The following CACNA1C variants were observed in gnomAD, a reference collection of about 807,000 sequenced individuals.
CACNA1C encodes the protein calcium voltage-gated channel subunit alpha1 C.
In CACNA1C, 30 loss-of-function variants were observed where a neutral mutation model predicts 229.0. The ratio of observed to expected loss-of-function variants is 0.13; its 90% CI spans 0.10 to 0.18. CACNA1C has a LOEUF of 0.18. CACNA1C is among the 10% of genes least tolerant of loss of function. The pLI, the probability that CACNA1C is intolerant of heterozygous loss-of-function variation, is 1.00. For missense variants in CACNA1C, 1,658 were observed against 2,845.0 expected, an observed-to-expected ratio of 0.58 and a Z score of 9.49; for synonymous variants, 1,114 against 1,132.5, an observed-to-expected ratio of 0.98 and a Z score of 0.33.
In CACNA1C at chr12:2,679,111, C is replaced by T. The variant is rs1381364336; in HGVS notation, c.5092-333C>T. Among the ~76,000 whole-genome samples, 2 of 152,212 alleles carry T rather than the reference C, an allele frequency of 1.3e-5. No homozygotes were observed. The highest frequency in any genetic ancestry group is 2.9e-5 in the Non-Finnish European group (2 of 68,022). On this transcript the variant is annotated intron_variant, in intron 41 of 46. Coordinates refer to ENST00000399655, the MANE Select transcript of CACNA1C (RefSeq NM_000719.7). This position sits in a 1 kb window ranked among gnomAD's most constrained non-coding sequence, Gnocchi z 5.5. ...CCTAGACGTGCCCTGGAAACTCACT[C>T]CCAGCCTTCAGGGGCTTCACTGGAA... is the stretch of plus-strand genomic sequence containing the variant.
chr12:2,098,787 C>G (rs2154096520), intron 1 of CACNA1C, among the ~76,000 whole-genome samples: 1 of 152,334 alleles, frequency 6.6e-6, no homozygotes, highest in South Asian at 2.1e-4. Context: ...TGCCCCGAGG[C>G]TTTATCTCTG....
intron 3 of CACNA1C, among the ~76,000 whole-genome samples, chr12:2,418,437 G>T (rs2098938770): frequency 6.6e-6 from 1 of 152,210 alleles, no homozygotes; most frequent in Non-Finnish European, 1.5e-5. Context: ...TGGCAGAGTT[G>T]CGGGCCTGAC....
At chr12:2,107,654 C>A (rs1479330233) in intron 1 of CACNA1C, among the ~76,000 whole-genome samples, 1 of 152,276 alleles carries the variant, frequency 6.6e-6, no homozygotes. Context: ...ATATTAGACA[C>A]TGAAAAAGGA....
rs138736052 is a variant in CACNA1C, at chr12:2,419,694, AG to A, written c.478-29278del. On this transcript the variant is annotated intron_variant, in intron 3 of 46. Coordinates refer to ENST00000399655, the MANE Select transcript of CACNA1C (RefSeq NM_000719.7). ...GGTTCAAAGAATAGTCCCTCTAGAC[AG>A]GGGCACAAACCCTTCCTTCACACAC... Among the ~76,000 whole-genome samples the A allele has an allele frequency of 5.0e-3, 759 of 152,320 alleles. 6 individuals carry two copies. The highest frequency in any genetic ancestry group is 0.018 in the African/African-American group (731 of 41,564).
chr12:2,375,195 G>T (rs991696258), intron 3 of CACNA1C, among the ~76,000 whole-genome samples: 1 of 152,208 alleles, frequency 6.6e-6, no homozygotes, highest in Non-Finnish European at 1.5e-5. Context: ...ATGTGCATGT[G>T]CTGAGCGGCT....
chr12:2,122,646 C>T (rs181936739), intron 3 of CACNA1C, among the ~76,000 whole-genome samples: 33 of 152,316 alleles, frequency 2.2e-4, no homozygotes, highest in East Asian at 9.7e-4. Context: ...TGTGTCTACA[C>T]GAACGTTTAC....
intron 3 of CACNA1C, among the ~76,000 whole-genome samples, chr12:2,247,028 C>T (rs1341565711): frequency 6.6e-6 from 1 of 152,218 alleles, no homozygotes; most frequent in Non-Finnish European, 1.5e-5. Context: ...AAAACTTAAG[C>T]TAAGACTATA....
chr12:2,007,044 C>T (rs2043593011), intron 1 of CACNA1C, among the ~76,000 whole-genome samples: 1 of 152,192 alleles, frequency 6.6e-6, no homozygotes, highest in Non-Finnish European at 1.5e-5. Context: ...CCTCTTTGCT[C>T]TTAATCACAT....
At chr12:2,146,281 C>T (rs573071936) in intron 3 of CACNA1C, among the ~76,000 whole-genome samples, 5 of 151,136 alleles carry the variant, frequency 3.3e-5, no homozygotes, top group Admixed American at 1.3e-4. Context: ...AGAATCTCTC[C>T]GCGCCTTTCT....
chr12:2,054,758 A>G lies in CACNA1C; in HGVS notation c.49+1147A>G, dbSNP rs186889657. On this transcript the variant is annotated intron_variant, in intron 1 of 46. Transcript: ENST00000399655. This position sits in a 1 kb window ranked among gnomAD's most constrained non-coding sequence, Gnocchi z 5.5. ...CTCTCCCTTTTCTCTCCCAGTTCCC[A>G]GAGCCTCCCTGTTTGCACTCTTCCT... 5.9e-5 allele frequency among the ~76,000 whole-genome samples: 9 copies of G among 152,240 alleles called. No individual in the cohort carries two copies. The highest frequency in any genetic ancestry group is 4.6e-4 in the Admixed American group (7 of 15,300).
At chr12:2,578,743 T>G (rs1277819142) in intron 13 of CACNA1C, among the ~76,000 whole-genome samples, 1 of 152,126 alleles carries the variant, frequency 6.6e-6, no homozygotes, top group Non-Finnish European at 1.5e-5. Context: ...AGGAGCTCCA[T>G]CAGAGCACGA....
At chr12:1,989,937 T>C (rs2038922722) in intron 1 of CACNA1C, among the ~76,000 whole-genome samples, 1 of 152,204 alleles carries the variant, frequency 6.6e-6, no homozygotes, top group Non-Finnish European at 1.5e-5. Flanking sequence ...CTCTAATAAC[T>C]GATATATGCT....
At chr12:2,516,752 G>A (rs1029262010) in intron 9 of CACNA1C, among the ~76,000 whole-genome samples, 1 of 152,176 alleles carries the variant, frequency 6.6e-6, no homozygotes, top group Non-Finnish European at 1.5e-5. Flanking sequence ...AGCCATCTGA[G>A]ACCTTTAAGT....
In CACNA1C at chr12:2,467,637, A is replaced by G. The variant is rs2154567044; in HGVS notation, c.757+9931A>G. Among the ~76,000 whole-genome samples the G allele has an allele frequency of 6.6e-6, 1 of 152,238 alleles. No individual in the cohort carries two copies. The highest frequency in any genetic ancestry group is 2.1e-4 in the South Asian group (1 of 4,824). On this transcript the variant is annotated intron_variant, in intron 5 of 46. Transcript: ENST00000399655. The surrounding 1 kb of genome is among the most constrained non-coding windows in gnomAD (Gnocchi z 4.6). The stretch of plus-strand genomic sequence containing the variant: ...CACTGCAGGAGGCTTGCCTCTAAGA[A>G]ACAGAATTTAGAACAGGGTGGGTCC...
intron 1 of CACNA1C, among the ~76,000 whole-genome samples, chr12:2,099,440 C>T (rs1038805867): frequency 2.0e-5 from 3 of 151,928 alleles, no homozygotes; most frequent in African/African-American, 7.2e-5. Context: ...CAGGGAGCTG[C>T]CTCTGTTTGC....
intron 3 of CACNA1C, among the ~76,000 whole-genome samples, chr12:2,356,735 C>T (rs1302835097): frequency 6.6e-6 from 1 of 152,222 alleles, no homozygotes; most frequent in Non-Finnish European, 1.5e-5. Context: ...GAAATTCTTC[C>T]CTGCGTCCAG....
chr12:2,344,562 A>G (rs1183915848), intron 3 of CACNA1C, among the ~76,000 whole-genome samples: 2 of 152,154 alleles, frequency 1.3e-5, no homozygotes, highest in Non-Finnish European at 2.9e-5. Context: ...AGAGAATGTG[A>G]AGATACATGG....
intron 34 of CACNA1C, among the ~76,000 whole-genome samples, chr12:2,658,566 G>A (rs980108345): frequency 5.9e-5 from 9 of 151,910 alleles, no homozygotes; most frequent in East Asian, 3.9e-4. Context: ...CTGTGTCACC[G>A]GTTTATGTCT....
chr12:2,667,984 G>C (rs74057323), intron 37 of CACNA1C, among the ~76,000 whole-genome samples: 74 of 152,360 alleles, frequency 4.9e-4, no homozygotes, highest in African/African-American at 1.7e-3. Context: ...TGTTCTGGGG[G>C]TGTGTGCTGG....
Sources: allele counts gnomAD v4.1 joint callset (sites outside exome capture counted in the v4.1 genomes callset), GRCh38; gene constraint gnomAD v4.1.1; non-coding constraint Gnocchi (gnomAD v3.1); transcripts MANE v1.5; gene names NCBI Gene and HGNC (gene_info 2026-07-23, HGNC 2026-07-21).